NXPH1: variants seen among roughly 807,000 people sequenced by gnomAD.
The protein encoded by NXPH1 is neurexophilin 1, also known as neurexophilin-1.
NXPH1 carries 5 observed loss-of-function variants against 23.7 expected under a neutral mutation model. That is an observed-to-expected ratio of 0.21 (90% confidence interval 0.11 to 0.44). The LOEUF (loss-of-function observed/expected upper bound fraction) is 0.44, where lower values mean the gene tolerates loss of function less well. Among genes scored for constraint, NXPH1 ranks in the 20% least tolerant of loss-of-function variants. NXPH1 has a pLI of 0.99. For missense variants in NXPH1, 324 were observed against 321.6 expected (o/e 1.01, Z -0.06); for synonymous variants, 144 against 122.2 (o/e 1.18, Z -1.18).
chr7:8,622,635 C>T (rs1562431545), intron 2 of NXPH1, among the ~76,000 whole-genome samples: 2 of 152,122 alleles, frequency 1.3e-5, no homozygotes, highest in Admixed American at 6.6e-5. Context: ...TTTGAATTTT[C>T]CATTTGTCTG....
intron 2 of NXPH1, among the ~76,000 whole-genome samples, chr7:8,503,712 C>T (rs1000963867): frequency 2.0e-5 from 3 of 151,944 alleles, no homozygotes; most frequent in African/African-American, 7.2e-5. Flanking sequence ...TTTCTGCTAT[C>T]TTGCCACACT....
At chr7:8,608,329 A>T (rs1583189236) in intron 2 of NXPH1, among the ~76,000 whole-genome samples, 1 of 143,742 alleles carries the variant, frequency 7.0e-6, no homozygotes, top group East Asian at 2.0e-4. Context: ...AAATTCAGTG[A>T]TTTTTTTTTT....
In NXPH1 at chr7:8,710,812, G is replaced by A. The variant is rs192905444; in HGVS notation, c.55-40196G>A. ...CCAGTAGCTGGGACTACAGGCGCCC[G>A]CCACCGCGCCCGGCTAATTTTTTGT... On this transcript the variant is annotated intron_variant, in intron 2 of 2. Coordinates refer to ENST00000405863, the MANE Select transcript of NXPH1 (RefSeq NM_152745.3). Among the ~76,000 whole-genome samples, 703 of 138,214 alleles carry A rather than the reference G, an allele frequency of 5.1e-3. 119 individuals are homozygous for A. Among genetic ancestry groups the A allele is most frequent in the African/African-American group, 0.019 (607 of 32,522 alleles). 90.7% of individuals were successfully genotyped at this position (138,214 alleles called of 152,430 possible). A position where few individuals can be genotyped will look rare whatever the true frequency, so the allele number is the denominator to read the frequency against.
At chr7:8,595,490 AT>A (rs199792384) in intron 2 of NXPH1, among the ~76,000 whole-genome samples, 1,833 of 152,178 alleles carry the variant, frequency 0.012, 34 homozygotes, top group African/African-American at 0.042. Context: ...ATATATAGTA[AT>A]TTCATAATTT....
chr7:8,734,547 C>T (rs1048289666), intron 2 of NXPH1, among the ~76,000 whole-genome samples: 3 of 152,084 alleles, frequency 2.0e-5, no homozygotes, highest in East Asian at 1.9e-4. Flanking sequence ...TCTCTTATTT[C>T]CTTGAGCAGT....
At chr7:8,662,263 A>G (rs1162341763) in intron 2 of NXPH1, among the ~76,000 whole-genome samples, 3 of 151,896 alleles carry the variant, frequency 2.0e-5, no homozygotes, top group African/African-American at 7.2e-5. Flanking sequence ...ATTTGTTTCT[A>G]TGTTTGATTT....
intron 2 of NXPH1, among the ~76,000 whole-genome samples, chr7:8,693,409 G>A (rs1821253660): frequency 6.6e-6 from 1 of 152,090 alleles, no homozygotes; most frequent in African/African-American, 2.4e-5. Context: ...TTTTCATATA[G>A]AAAATGGAGT....
intron 2 of NXPH1, among the ~76,000 whole-genome samples, chr7:8,588,996 C>T (rs750340675): frequency 2.4e-4 from 37 of 152,046 alleles, no homozygotes; most frequent in Non-Finnish European, 4.7e-4. Flanking sequence ...TCTAGACTAT[C>T]CAAGTTTGTA....
intron 2 of NXPH1, among the ~76,000 whole-genome samples, chr7:8,737,201 A>T (rs1053064583): frequency 8.5e-5 from 13 of 152,098 alleles, no homozygotes; most frequent in South Asian, 4.1e-4. Flanking sequence ...TTTGCCTGTT[A>T]CTTGATGCAG....
chr7:8,627,422 C>A (rs951616221), intron 2 of NXPH1, among the ~76,000 whole-genome samples: 1 of 152,072 alleles, frequency 6.6e-6, no homozygotes, highest in Non-Finnish European at 1.5e-5. Flanking sequence ...CAGTTAATAT[C>A]TCATATAAAA....
At chr7:8,585,229 G>A (rs967355546) in intron 2 of NXPH1, among the ~76,000 whole-genome samples, 1 of 152,178 alleles carries the variant, frequency 6.6e-6, no homozygotes, top group African/African-American at 2.4e-5. Context: ...ATAAAGAGAT[G>A]CCTCTTCTGT....
chr7:8,546,363 T>A (rs1818197877), intron 2 of NXPH1, among the ~76,000 whole-genome samples: 1 of 151,418 alleles, frequency 6.6e-6, no homozygotes, highest in Non-Finnish European at 1.5e-5. Context: ...GGATATTCTT[T>A]ACTAGTGGTT....
At chr7:8,504,243 T>C (rs1301775463) in intron 2 of NXPH1, among the ~76,000 whole-genome samples, 3 of 152,104 alleles carry the variant, frequency 2.0e-5, no homozygotes, top group African/African-American at 7.2e-5. Context: ...ATAGCAGTAC[T>C]ATTCTCAACC....
intron 2 of NXPH1, among the ~76,000 whole-genome samples, chr7:8,448,860 T>C (rs919619548): frequency 2.2e-4 from 33 of 146,798 alleles, no homozygotes; most frequent in African/African-American, 8.0e-4. Flanking sequence ...CTACAGCAAC[T>C]AGCGAATTGT....
intron 2 of NXPH1, among the ~76,000 whole-genome samples, chr7:8,515,640 A>G (rs1817675695): frequency 6.6e-6 from 1 of 152,160 alleles, no homozygotes; most frequent in Non-Finnish European, 1.5e-5. Flanking sequence ...ATTCCACATT[A>G]CTTTTTACCA....
chr7:8,474,084 C>T (rs1816921251), intron 2 of NXPH1, among the ~76,000 whole-genome samples: 1 of 152,136 alleles, frequency 6.6e-6, no homozygotes, highest in Non-Finnish European at 1.5e-5. Flanking sequence ...AGCCAATTAA[C>T]AGCAAAATAT....
chr7:8,560,565 T>A (rs1818426947), intron 2 of NXPH1, among the ~76,000 whole-genome samples: 1 of 151,680 alleles, frequency 6.6e-6, no homozygotes, highest in South Asian at 2.1e-4. Context: ...GTGTGTAAGT[T>A]AAATTTCTTT....
rs1447657673 is a variant in NXPH1, at chr7:8,751,777, C to A, written c.*8C>A. On this transcript the variant is annotated 3_prime_UTR_variant, in exon 3 of 3. Transcript: ENST00000405863. The surrounding 1 kb of genome is among the most constrained non-coding windows in gnomAD (Gnocchi z 4.5). ...TACTTTCCCTCGGGATGAAGGTGAA[C>A]ATGGGGGTGAGACTGAAGCCTGAGG... 2 of 1,601,558 alleles carry A rather than the reference C, an allele frequency of 1.2e-6. No homozygotes were observed. The highest frequency in any genetic ancestry group is 1.7e-6 in the Non-Finnish European group (2 of 1,174,334).
chr7:8,537,937 T>C (rs1432994672), intron 2 of NXPH1, among the ~76,000 whole-genome samples: 3 of 151,916 alleles, frequency 2.0e-5, no homozygotes, highest in Non-Finnish European at 4.4e-5. Flanking sequence ...CTCACTCGTG[T>C]GAAAGGCGAG....
Sources: allele counts gnomAD v4.1 joint callset (sites outside exome capture counted in the v4.1 genomes callset), GRCh38; gene constraint gnomAD v4.1.1; non-coding constraint Gnocchi (gnomAD v3.1); transcripts MANE v1.5; gene names NCBI Gene and HGNC (gene_info 2026-07-23, HGNC 2026-07-21).